FGD2: variants seen among roughly 807,000 people sequenced by gnomAD.
FGD2 encodes the protein FYVE, RhoGEF and PH domain-containing protein 2.
Under a neutral mutation model 75.9 loss-of-function variants are expected in FGD2, and 52 were observed. The observed-to-expected ratio is 0.69, with a 90% CI of 0.55 to 0.86. The LOEUF (loss-of-function observed/expected upper bound fraction) is 0.86, where lower values mean the gene tolerates loss of function less well. FGD2 is among the 40% of genes least tolerant of loss of function. The probability of loss-of-function intolerance (pLI) is 0.00; values close to 1 mark genes in which losing one functional copy is unlikely to be tolerated. For missense variants in FGD2, 790 were observed against 872.0 expected (o/e 0.91, Z 1.18); for synonymous variants, 347 against 348.6 (o/e 1.00, Z 0.05).
At position 37,009,082 on chromosome 6, in the gene FGD2, G is replaced by T; in HGVS notation, c.300+17G>T. ...GGGACGCAGGTGCCTGAGGGCTGAG[G>T]TAGAGGTGTGGGGTGCTGGGGTGGG... On this transcript the variant is annotated intron_variant, in intron 2 of 15. Transcript: ENST00000274963. 1 of 1,611,096 alleles carries T rather than the reference G, an allele frequency of 6.2e-7. No homozygotes were observed. The highest frequency in any genetic ancestry group is 8.5e-7 in the Non-Finnish European group (1 of 1,178,390).
At position 37,009,067 on chromosome 6, in the gene FGD2, T is replaced by A; in HGVS notation, c.300+2T>A. ...ACCCTCTCAGGATCGGGGACGCAGG[T>A]GCCTGAGGGCTGAGGTAGAGGTGTG... is the stretch of plus-strand genomic sequence containing the variant. On this transcript the variant is annotated splice_donor_variant, in intron 2 of 15. Transcript: ENST00000274963. LOFTEE classifies it high-confidence loss of function. 6.2e-7 allele frequency: 1 copy of A among 1,613,580 alleles called. No homozygotes were observed. Among genetic ancestry groups the A allele is most frequent in the South Asian group, 1.1e-5 (1 of 91,000 alleles).
chr6:37,018,721 A>G (rs1765425027), intron 9 of FGD2, among the ~76,000 whole-genome samples: 1 of 152,376 alleles, frequency 6.6e-6, no homozygotes, highest in African/African-American at 2.4e-5. Context: ...TTAGCAGACT[A>G]TGATATATCA....
chr6:37,020,695 C>T lies in FGD2; in HGVS notation c.1203-14C>T, dbSNP rs1178217845. On this transcript the variant is annotated splice_polypyrimidine_tract_variant and intron_variant, in intron 10 of 15. Coordinates refer to ENST00000274963, the MANE Select transcript of FGD2 (RefSeq NM_173558.4). ...GGCTGATCTCCTCAACACCTGTGTT[C>T]ACTTTCCGAGCAGGTCCCAGGAGGA... 6.3e-7 allele frequency: 1 copy of T among 1,575,556 alleles called. No individual in the cohort carries two copies. Among genetic ancestry groups the T allele is most frequent in the South Asian group, 1.2e-5 (1 of 86,168 alleles).
chr6:37,016,633 G>A (rs1057190157), intron 9 of FGD2, among the ~76,000 whole-genome samples: 8 of 151,086 alleles, frequency 5.3e-5, no homozygotes, highest in African/African-American at 1.2e-4. Flanking sequence ...TCCTGGGTTC[G>A]AGCAATTCTC....
At chr6:37,021,185 C>T (rs569452589) in intron 11 of FGD2, among the ~76,000 whole-genome samples, 222 of 152,092 alleles carry the variant, frequency 1.5e-3, no homozygotes, top group African/African-American at 4.9e-3. Flanking sequence ...CCCACACCTG[C>T]GTGTGCTCAG....
At chr6:37,016,805 G>A (rs1765322594) in intron 9 of FGD2, among the ~76,000 whole-genome samples, 1 of 152,012 alleles carries the variant, frequency 6.6e-6, no homozygotes, top group Non-Finnish European at 1.5e-5. Context: ...CTAAAGTGCT[G>A]GGATTACAGG....
At chr6:37,026,056 C>T in intron 14 of FGD2, 118 bp downstream of exon 14, 4 of 1,475,422 alleles carry the variant, frequency 2.7e-6, no homozygotes, top group African/African-American at 1.4e-5. Flanking sequence ...TGGTCACACC[C>T]TCCCCCCTCT....
At chr6:37,024,527 G>A (rs926936069) in intron 13 of FGD2, 20 of 152,176 alleles carry the variant, frequency 1.3e-4, no homozygotes, top group Non-Finnish European at 2.6e-4. Context: ...CATATAGAGA[G>A]AGACAGAGAG....
chr6:37,013,372 T>A lies in FGD2; in HGVS notation c.528-237T>A, dbSNP rs1173407022. On this transcript the variant is annotated intron_variant, in intron 4 of 15. Coordinates refer to ENST00000274963, the MANE Select transcript of FGD2 (RefSeq NM_173558.4). ...AACACCTGCTGTGGGCCCAACACTG[T>A]GCCGGGCCTTGTGGATGAGGCCAAC... 4.2e-6 allele frequency: 5 copies of A among 1,202,424 alleles called. No homozygotes were observed. The African/African-American group carries it at 7.7e-5, about 18-fold the overall frequency. The allele number at this position is 1,202,424 out of a possible 1,614,324, so 74.5% of individuals were successfully genotyped here.
rs377492771 is a variant in FGD2 at position 37,014,925 on chromosome 6, C to T, written c.916C>T (p.Arg306Cys). ...RLQDLWEVYQ[R>C]LGLEDDIVDP... Reference sequence around the variant, plus strand: ...GCAGGACCTGTGGGAGGTGTACCAGCGCCTGGGCCTCGAGGACGACATAGT... The same window carrying T: ...GCAGGACCTGTGGGAGGTGTACCAGTGCCTGGGCCTCGAGGACGACATAGT... Residue 306 changes from arginine to cysteine, a missense_variant, in exon 8 of 16, where the codon CGC (arginine) becomes TGC (cysteine). Coordinates refer to ENST00000274963, the MANE Select transcript of FGD2 (RefSeq NM_173558.4). 27 of 1,614,130 alleles carry T rather than the reference C, an allele frequency of 1.7e-5. No homozygotes were observed. Among genetic ancestry groups the T allele is most frequent in the East Asian group, 6.7e-5 (3 of 44,882 alleles).
At chr6:37,010,121 G>A (rs981496786) in intron 2 of FGD2, 1 of 152,070 alleles carries the variant, frequency 6.6e-6, no homozygotes, top group Non-Finnish European at 1.5e-5. Context: ...GGCCTCACTC[G>A]GGGGTCTGTG....
At chr6:37,013,827 C>T (rs1013891137) in intron 5 of FGD2, 62 bp downstream of exon 5, 12 of 1,600,492 alleles carry the variant, frequency 7.5e-6, no homozygotes, top group Non-Finnish European at 1.0e-5. Context: ...GCTCAGGTTG[C>T]CTTGAGTGAT....
intron 4 of FGD2, among the ~76,000 whole-genome samples, chr6:37,012,532 T>C (rs1469757264): frequency 6.6e-6 from 1 of 151,804 alleles, no homozygotes; most frequent in Non-Finnish European, 1.5e-5. Context: ...GGCAACATGG[T>C]AAAACCCCAT....
chr6:37,028,087 G>A lies in FGD2; in HGVS notation c.1892G>A (p.Arg631His), dbSNP rs1342565500. 26 of 1,613,466 alleles carry A rather than the reference G, an allele frequency of 1.6e-5. No individual in the cohort carries two copies. The highest frequency in any genetic ancestry group is 1.7e-4 in the Middle Eastern group (1 of 6,020). Residue 631 changes from arginine to histidine, a missense_variant, in exon 16 of 16, where the codon CGC becomes CAC. Physicochemically the swap from Arg to His is conservative, Grantham distance 29 (BLOSUM62 0). Coordinates refer to ENST00000274963, the MANE Select transcript of FGD2 (RefSeq NM_173558.4). The stretch of plus-strand genomic sequence containing the variant: ...GCCGAGACGGAGGAGCTGAAGGGCC[G>A]CTGGGTGAAGGCCATGGAGCGGGCG... ...FKAETEELKG[R>H]WVKAMERAAS...
chr6:37,013,854 G>A (rs1765144148), intron 5 of FGD2, 89 bp downstream of exon 5: 35 of 1,586,040 alleles, frequency 2.2e-5, no homozygotes, highest in Non-Finnish European at 2.8e-5. Flanking sequence ...CATCTCCCAG[G>A]CTCAGCTGCT....
At chr6:37,027,877 C>T in intron 15 of FGD2, 71 bp from the exon 16 acceptor site, 1 of 1,537,754 alleles carries the variant, frequency 6.5e-7, no homozygotes, top group Non-Finnish European at 8.9e-7. Context: ...GTGGCTGTTG[C>T]CTTCACGATG....
intron 14 of FGD2, among the ~76,000 whole-genome samples, chr6:37,026,880 T>C (rs886092587): frequency 6.6e-6 from 1 of 151,236 alleles, no homozygotes; most frequent in African/African-American, 2.4e-5. Context: ...TGGTGGTGCA[T>C]GCCTGTAATC....
rs141658603 is a variant in FGD2, at chr6:37,009,273, C to G, written c.300+208C>G. 9.5e-6 allele frequency: 5 copies of G among 528,798 alleles called. No individual in the cohort carries two copies. In the East Asian group the frequency reaches 1.3e-4, roughly 14 times the overall value. The allele number at this position is 528,798 out of a possible 1,614,324, so 32.8% of individuals were successfully genotyped here. A position where few individuals can be genotyped will look rare whatever the true frequency, so the allele number is the denominator to read the frequency against. ...CTACGCACCGTGCTGGATTACTTCG[C>G]GAGTCCCTCGTGTAGGAGTTTTTTG... On this transcript the variant is annotated intron_variant, in intron 2 of 15. Coordinates refer to ENST00000274963, the MANE Select transcript of FGD2 (RefSeq NM_173558.4).
chr6:37,028,218 CCA>C lies in FGD2; in HGVS notation c.*58_*59del. On this transcript the variant is annotated 3_prime_UTR_variant, in exon 16 of 16. Transcript: ENST00000274963. ...CTCCCCACCCTGAACCCAGCTCCTG[CCA>C]CAGACTGACCCTGTGGCCTCAGTGA... The C allele has an allele frequency of 6.9e-7, 1 of 1,447,922 alleles. No individual in the cohort carries two copies. Among genetic ancestry groups the C allele is most frequent in the African/African-American group, 1.4e-5 (1 of 70,814 alleles). 89.7% of individuals were successfully genotyped at this position (1,447,922 alleles called of 1,614,324 possible).
Sources: allele counts gnomAD v4.1 joint callset (sites outside exome capture counted in the v4.1 genomes callset), GRCh38; gene constraint gnomAD v4.1.1; transcripts MANE v1.5; gene names NCBI Gene and HGNC (gene_info 2026-07-23, HGNC 2026-07-21).